COL28A1: variants seen among roughly 807,000 people sequenced by gnomAD.
The protein encoded by COL28A1 is collagen type XXVIII alpha 1 chain.
COL28A1 carries 161 observed loss-of-function variants against 150.2 expected under a neutral mutation model. The ratio of observed to expected loss-of-function variants is 1.07; its 90% CI spans 0.94 to 1.22. The LOEUF is 1.22. Ranked by LOEUF, COL28A1 falls within the 50% of genes most tolerant of loss-of-function variation. The pLI is 0.00. For synonymous variants in COL28A1, 552 were observed against 469.7 expected (o/e 1.18, Z -2.26); for missense variants, 1,617 against 1,388.3 (o/e 1.16, Z -2.62).
intron 27 of COL28A1, among the ~76,000 whole-genome samples, chr7:7,390,198 T>C (rs111298890): frequency 2.0e-5 from 3 of 152,208 alleles, no homozygotes; most frequent in African/African-American, 4.8e-5. Flanking sequence ...GTTTTTAGCA[T>C]GAAGGGATGT....
At chr7:7,514,745 G>A (rs973708623) in intron 8 of COL28A1, among the ~76,000 whole-genome samples, 2 of 152,064 alleles carry the variant, frequency 1.3e-5, no homozygotes, top group Non-Finnish European at 2.9e-5. Flanking sequence ...CTGCAGCCTG[G>A]CCCCAACTTC....
At chr7:7,361,110 G>GCAAA (rs3067744) in intron 33 of COL28A1, among the ~76,000 whole-genome samples, 117,806 of 151,634 alleles carry the variant, frequency 0.78, 45,944 homozygotes, top group East Asian at 0.88. Flanking sequence ...AGACACCTTT[G>GCAAA]CCTGCTCTAT....
chr7:7,528,598 A>T (rs1056166940), intron 3 of COL28A1, among the ~76,000 whole-genome samples: 5 of 152,258 alleles, frequency 3.3e-5, no homozygotes, highest in African/African-American at 1.2e-4. Context: ...AAAAACCCTG[A>T]TGAGTTTGAA....
intron 25 of COL28A1, among the ~76,000 whole-genome samples, chr7:7,423,892 G>A (rs113144509): frequency 3.3e-5 from 5 of 152,206 alleles, no homozygotes; most frequent in African/African-American, 1.2e-4. Flanking sequence ...ACTGCAGTAG[G>A]ACAGCTGACC....
intron 22 of COL28A1, among the ~76,000 whole-genome samples, chr7:7,437,000 T>G (rs185709425): frequency 8.9e-4 from 135 of 152,278 alleles, no homozygotes; most frequent in African/African-American, 3.2e-3. Context: ...ATCGCAGCAC[T>G]GCACTCCAGC....
Position 7,380,817 on chromosome 7 carries a change from C to A in COL28A1, c.2251G>T (p.Gly751Ter). ...GGAGATCCAGGCTCTCCAATTTCTC[C>A]TTTATCACCTTTCTTTCCCACATCG... is the stretch of plus-strand genomic sequence containing the variant. Reference protein sequence around the residue: ...RGDVGKKGDKGEIGEPGSPGK... With the variant: ...RGDVGKKGDK The change falls in exon 29 of 35, where the codon GGA (glycine) becomes TGA (stop). Residue 751 changes from glycine (G) to a stop codon, truncating the protein, a stop_gained. Coordinates refer to ENST00000399429, the MANE Select transcript of COL28A1 (RefSeq NM_001037763.3). LOFTEE classifies it high-confidence loss of function. 6.2e-7 allele frequency: 1 copy of A among 1,614,036 alleles called. No homozygotes were observed. The highest frequency in any genetic ancestry group is 1.3e-5 in the African/African-American group (1 of 75,012).
the COL28A1 span, among the ~76,000 whole-genome samples, chr7:7,346,552 C>T: frequency 6.6e-6 from 1 of 151,914 alleles, no homozygotes; most frequent in Non-Finnish European, 1.5e-5. Context: ...AGAAAACATA[C>T]AGAAAATACC....
intron 30 of COL28A1, among the ~76,000 whole-genome samples, chr7:7,377,465 A>C (rs1781618136): frequency 6.6e-6 from 1 of 152,174 alleles, no homozygotes; most frequent in Admixed American, 6.5e-5. Flanking sequence ...CTGGGGCAGG[A>C]AACTGAGGAT....
intron 3 of COL28A1, among the ~76,000 whole-genome samples, chr7:7,524,557 A>C (rs1306389919): frequency 1.3e-5 from 2 of 152,208 alleles, no homozygotes; most frequent in African/African-American, 2.4e-5. Flanking sequence ...ATTTGACTAT[A>C]AAGTTAATCA....
chr7:7,534,779 C>T (rs1782553792), intron 1 of COL28A1, among the ~76,000 whole-genome samples: 1 of 152,146 alleles, frequency 6.6e-6, no homozygotes, highest in African/African-American at 2.4e-5. Flanking sequence ...TATTCACAAA[C>T]ATAACTTTTC....
chr7:7,375,156 G>C (rs1021605408), intron 31 of COL28A1, among the ~76,000 whole-genome samples: 1 of 152,196 alleles, frequency 6.6e-6, no homozygotes, highest in East Asian at 1.9e-4. Context: ...TTTCGTCTCA[G>C]CTCAGGTAAA....
intron 8 of COL28A1, among the ~76,000 whole-genome samples, chr7:7,512,768 A>G (rs1028294040): frequency 1.3e-5 from 2 of 152,174 alleles, no homozygotes; most frequent in Non-Finnish European, 2.9e-5. Context: ...AGGAAACACA[A>G]TTGGATATGT....
chr7:7,510,892 A>T (rs1781094025), intron 9 of COL28A1, among the ~76,000 whole-genome samples, 199 bp downstream of exon 9: 1 of 152,198 alleles, frequency 6.6e-6, no homozygotes, highest in African/African-American at 2.4e-5. Flanking sequence ...ATGGTCCATA[A>T]AAAAGGCATT....
Position 7,358,076 on chromosome 7 carries a change from C to T in COL28A1, c.*557G>A, listed in dbSNP as rs1360388080. On this transcript the variant is annotated 3_prime_UTR_variant, in exon 35 of 35. Coordinates refer to ENST00000399429, the MANE Select transcript of COL28A1 (RefSeq NM_001037763.3). ...ATTCAGATTGGTTTCTCCCTATTAC[C>T]ACTTTCAGGGCAAGTGAGGCAAAAA... The T allele has an allele frequency of 6.6e-6, 1 of 152,216 alleles. No individual in the cohort carries two copies. The highest frequency in any genetic ancestry group is 2.4e-5 in the African/African-American group (1 of 41,434). 9.4% of individuals were successfully genotyped at this position (152,216 alleles called of 1,614,324 possible).
chr7:7,439,733 T>C (rs1409903547), intron 21 of COL28A1, among the ~76,000 whole-genome samples: 1 of 152,212 alleles, frequency 6.6e-6, no homozygotes, highest in African/African-American at 2.4e-5. Flanking sequence ...TCTCATAATG[T>C]GCTTCCTGAA....
intron 13 of COL28A1, among the ~76,000 whole-genome samples, chr7:7,485,235 A>G (rs1162446098): frequency 6.6e-6 from 1 of 152,192 alleles, no homozygotes; most frequent in Non-Finnish European, 1.5e-5. Context: ...ATATATACAT[A>G]CCAAGTTGTG....
chr7:7,540,125 A>G (rs796928744), upstream of COL28A1, among the ~76,000 whole-genome samples: 3 of 152,306 alleles, frequency 2.0e-5, no homozygotes, highest in East Asian at 5.8e-4. Context: ...GAAATATCTG[A>G]AAGTAGATTG....
At position 7,370,801 on chromosome 7, in the gene COL28A1, G is replaced by A. The variant is rs775331176; in HGVS notation, c.2990C>T (p.Pro997Leu). The A allele has an allele frequency of 2.5e-6, 4 of 1,613,650 alleles. No homozygotes were observed. The South Asian group carries it at 3.3e-5, about 13-fold the overall frequency. The change falls in exon 33 of 35, where the codon CCT (proline) becomes CTT (leucine). Residue 997 changes from proline to leucine, a missense_variant. Coordinates refer to ENST00000399429, the MANE Select transcript of COL28A1 (RefSeq NM_001037763.3). ...CCCTGACATCCCAAATCCAGGTTGA[G>A]GTGACGATGAACCAAAAATTTGAAC... Reference protein sequence around the residue: ...YLVQIFGSSSPQPGFGMSGEE... With the variant: ...YLVQIFGSSSLQPGFGMSGEE...
chr7:7,533,291 G>T (rs1010916433), intron 1 of COL28A1, among the ~76,000 whole-genome samples: 2 of 152,110 alleles, frequency 1.3e-5, no homozygotes, highest in Non-Finnish European at 2.9e-5. Context: ...GGGGAATTCA[G>T]ATTGCTATAT....
Sources: gnomAD v4.1 joint callset for allele counts (sites outside exome capture counted in the v4.1 genomes callset) on GRCh38, gnomAD v4.1.1 for gene constraint, MANE v1.5 for transcripts, NCBI Gene and HGNC (gene_info 2026-07-23, HGNC 2026-07-21) for gene names.